The following TSHZ2 variants were observed in gnomAD, a reference collection of about 807,000 sequenced individuals.
The protein encoded by TSHZ2 is teashirt homolog 2.
In TSHZ2, 21 loss-of-function variants were observed where a neutral mutation model predicts 74.4. The ratio of observed to expected loss-of-function variants is 0.28; its 90% CI spans 0.20 to 0.41. TSHZ2 has a LOEUF of 0.41. Ranked by LOEUF, TSHZ2 falls within the 10% of genes least tolerant of loss-of-function variation. The pLI, the probability that TSHZ2 is intolerant of heterozygous loss-of-function variation, is 1.00. For synonymous variants in TSHZ2, 540 were observed against 515.3 expected (o/e 1.05, Z -0.65); for missense variants, 1,244 against 1,293.5 (o/e 0.96, Z 0.59).
At chr20:53,113,399 C>G (rs770240939) in intron 1 of TSHZ2, among the ~76,000 whole-genome samples, 4 of 152,128 alleles carry the variant, frequency 2.6e-5, no homozygotes, top group African/African-American at 9.7e-5. Flanking sequence ...TTTTGTGTAT[C>G]TAACCATATT....
At chr20:53,174,908 G>T (rs1988290862) in intron 1 of TSHZ2, among the ~76,000 whole-genome samples, 1 of 152,010 alleles carries the variant, frequency 6.6e-6, no homozygotes, top group African/African-American at 2.4e-5. Flanking sequence ...AAAAATAAAA[G>T]AAAAAATGAA....
At chr20:53,194,616 G>A (rs1376830464) in intron 1 of TSHZ2, among the ~76,000 whole-genome samples, 1 of 152,188 alleles carries the variant, frequency 6.6e-6, no homozygotes, top group Non-Finnish European at 1.5e-5. Context: ...GTCCAAGAAG[G>A]AAACTTTGTA....
At chr20:53,223,010 C>G (rs186328383) in intron 1 of TSHZ2, among the ~76,000 whole-genome samples, 2 of 152,072 alleles carry the variant, frequency 1.3e-5, no homozygotes, top group East Asian at 3.8e-4. Context: ...TGAAAAATTC[C>G]TTTCTTCATT....
At chr20:53,242,814 T>A (rs1177957508) in intron 1 of TSHZ2, among the ~76,000 whole-genome samples, 1 of 152,232 alleles carries the variant, frequency 6.6e-6, no homozygotes, top group Non-Finnish European at 1.5e-5. Flanking sequence ...CAATCATTCA[T>A]TCACTTATGG....
intron 1 of TSHZ2, among the ~76,000 whole-genome samples, chr20:53,213,491 T>C (rs868462984): frequency 6.6e-6 from 1 of 152,106 alleles, no homozygotes; most frequent in Non-Finnish European, 1.5e-5. Flanking sequence ...AAAAAGTGTT[T>C]AAAGTTTAAT....
intron 1 of TSHZ2, among the ~76,000 whole-genome samples, chr20:53,149,292 G>C (rs774841110): frequency 1.3e-5 from 2 of 152,024 alleles, no homozygotes; most frequent in Non-Finnish European, 2.9e-5. Flanking sequence ...TGTCACTGGG[G>C]CTTGCGGAAG....
At chr20:53,031,430 G>C (rs1280117757) in intron 1 of TSHZ2, among the ~76,000 whole-genome samples, 1 of 152,198 alleles carries the variant, frequency 6.6e-6, no homozygotes, top group African/African-American at 2.4e-5. Context: ...CAGACAAGTA[G>C]TCACCAAAAG....
At chr20:53,205,332 C>A (rs961862686) in intron 1 of TSHZ2, among the ~76,000 whole-genome samples, 4 of 152,200 alleles carry the variant, frequency 2.6e-5, no homozygotes, top group African/African-American at 9.7e-5. Context: ...ATCTCTCCAA[C>A]TTTGAACTTG....
chr20:53,089,327 T>C (rs1985802260), intron 1 of TSHZ2, among the ~76,000 whole-genome samples: 1 of 120,724 alleles, frequency 8.3e-6, no homozygotes, highest in African/African-American at 3.2e-5. Context: ...TTTCTTTTTT[T>C]TTTTTTTTTT....
chr20:53,096,985 A>G lies in TSHZ2; in HGVS notation c.40+123652A>G, dbSNP rs534340037. 1.3e-4 allele frequency among the ~76,000 whole-genome samples: 20 copies of G among 152,288 alleles called. No individual in the cohort carries two copies. In the South Asian group the frequency reaches 2.5e-3, roughly 19 times the overall value. On this transcript the variant is annotated intron_variant, in intron 1 of 2. Coordinates refer to ENST00000371497, the MANE Select transcript of TSHZ2 (RefSeq NM_173485.6). ...CAAAAAACAAGTTTTGTCAAGCTCA[A>G]TGGTATTGACATCATTTGGGGGCAG...
chr20:53,476,133 G>C (rs1185959522), intron 2 of TSHZ2, among the ~76,000 whole-genome samples: 3 of 144,834 alleles, frequency 2.1e-5, no homozygotes, highest in East Asian at 2.1e-4. Flanking sequence ...AATAGAAAAA[G>C]AGAGAATCCT....
chr20:53,329,176 C>T (rs1979617162), intron 2 of TSHZ2, among the ~76,000 whole-genome samples: 1 of 152,132 alleles, frequency 6.6e-6, no homozygotes, highest in African/African-American at 2.4e-5. Context: ...TGTCTCCTTT[C>T]CTGTTGAACT....
chr20:53,077,042 A>AG (rs1350510481), intron 1 of TSHZ2, among the ~76,000 whole-genome samples: 1 of 152,184 alleles, frequency 6.6e-6, no homozygotes, highest in Non-Finnish European at 1.5e-5. Context: ...GGAAAGGAAA[A>AG]GTGTGACCAA....
chr20:53,396,954 C>T (rs544305795), intron 2 of TSHZ2, among the ~76,000 whole-genome samples: 10 of 151,628 alleles, frequency 6.6e-5, no homozygotes, highest in South Asian at 6.3e-4. Flanking sequence ...CCCTTCCTTA[C>T]ACCTTATACA....
intron 2 of TSHZ2, among the ~76,000 whole-genome samples, chr20:53,435,414 A>C (rs1159948889): frequency 6.6e-6 from 1 of 152,242 alleles, no homozygotes; most frequent in Non-Finnish European, 1.5e-5. Flanking sequence ...TAATGAGCAC[A>C]TATTGCAGAA....
chr20:53,317,328 G>A (rs1381564952), intron 2 of TSHZ2, among the ~76,000 whole-genome samples: 1 of 152,184 alleles, frequency 6.6e-6, no homozygotes, highest in Non-Finnish European at 1.5e-5. Flanking sequence ...ACAGAGAATT[G>A]TTGATTATGT....
chr20:53,217,046 C>T (rs1244987751), intron 1 of TSHZ2, among the ~76,000 whole-genome samples: 1 of 152,148 alleles, frequency 6.6e-6, no homozygotes, highest in Non-Finnish European at 1.5e-5. Flanking sequence ...TGTCAGGCTG[C>T]GGCATTAGAA....
At chr20:53,336,309 C>T (rs967325335) in intron 2 of TSHZ2, among the ~76,000 whole-genome samples, 2 of 152,160 alleles carry the variant, frequency 1.3e-5, no homozygotes, top group Non-Finnish European at 2.9e-5. Context: ...GCTTCACGCC[C>T]AGGGAAATCA....
At chr20:53,139,407 G>A (rs777678449) in intron 1 of TSHZ2, among the ~76,000 whole-genome samples, 6 of 152,154 alleles carry the variant, frequency 3.9e-5, no homozygotes, top group Non-Finnish European at 7.4e-5. Flanking sequence ...GGCAAGGTGA[G>A]GTGGGAAACC....
Sources: allele counts gnomAD v4.1 joint callset (sites outside exome capture counted in the v4.1 genomes callset), GRCh38; gene constraint gnomAD v4.1.1; transcripts MANE v1.5; gene names NCBI Gene and HGNC (gene_info 2026-07-23, HGNC 2026-07-21).